Variants in PXDNL observed in about 807,000 individuals in gnomAD.
PXDNL encodes the protein probable oxidoreductase PXDNL.
In PXDNL, 145 loss-of-function variants were observed where a neutral mutation model predicts 150.8. The observed-to-expected ratio is 0.96, with a 90% CI of 0.84 to 1.10. The LOEUF is 1.10. Ranked by LOEUF, PXDNL falls within the 50% of genes least tolerant of loss-of-function variation. The pLI is 0.00. For synonymous variants in PXDNL, 757 were observed against 725.7 expected (o/e 1.04, Z -0.69); for missense variants, 2,087 against 1,873.9 (o/e 1.11, Z -2.10).
intron 7 of PXDNL, 39 bp from the exon 8 acceptor site, chr8:51,472,343 C>A: frequency 6.7e-7 from 1 of 1,485,276 alleles, no homozygotes; most frequent in Non-Finnish European, 9.4e-7. Flanking sequence ...TTCAGAGATA[C>A]AAAATTATGG....
At chr8:51,449,953 T>C (rs748056962) in intron 10 of PXDNL, among the ~76,000 whole-genome samples, 1 of 152,224 alleles carries the variant, frequency 6.6e-6, no homozygotes, top group Non-Finnish European at 1.5e-5. Context: ...CAAGAATGGC[T>C]ACTCCACAGG....
intron 6 of PXDNL, among the ~76,000 whole-genome samples, chr8:51,478,386 A>G (rs1253998522): frequency 6.6e-6 from 1 of 152,264 alleles, no homozygotes; most frequent in Non-Finnish European, 1.5e-5. Context: ...TTCTCTGCTC[A>G]ATGAAAAATT....
chr8:51,324,921 C>T (rs1263584661), intron 21 of PXDNL, among the ~76,000 whole-genome samples: 2 of 152,134 alleles, frequency 1.3e-5, no homozygotes, highest in East Asian at 3.8e-4. Context: ...GACAGAGTCT[C>T]ACTCTGTTGC....
At chr8:51,441,222 T>G (rs911397861) in intron 12 of PXDNL, among the ~76,000 whole-genome samples, 1 of 152,148 alleles carries the variant, frequency 6.6e-6, no homozygotes, top group Non-Finnish European at 1.5e-5. Context: ...CTGCCACAAT[T>G]GTAAGTTTCC....
Position 51,716,353 on chromosome 8 carries a change from A to C in PXDNL, c.165-61593T>G, listed in dbSNP as rs186925712. Among the ~76,000 whole-genome samples the C allele has an allele frequency of 7.2e-5, 11 of 152,342 alleles. No homozygotes were observed. The East Asian group carries it at 2.1e-3, about 29-fold the overall frequency. The stretch of plus-strand genomic sequence containing the variant: ...AAGACAAAAATCCTAAAACAATCAT[A>C]TATTCAAATGCTGAAGTGCACAACA... On this transcript the variant is annotated intron_variant, in intron 1 of 22. Coordinates refer to ENST00000356297, the MANE Select transcript of PXDNL (RefSeq NM_144651.5).
intron 8 of PXDNL, among the ~76,000 whole-genome samples, chr8:51,466,441 A>G (rs763704954): frequency 1.2e-4 from 19 of 152,020 alleles, no homozygotes; most frequent in Non-Finnish European, 2.6e-4. Context: ...AAACTGTAAA[A>G]ATTTTAGAAA....
chr8:51,636,431 G>A (rs951501629), intron 2 of PXDNL, among the ~76,000 whole-genome samples: 1 of 152,134 alleles, frequency 6.6e-6, no homozygotes, highest in African/African-American at 2.4e-5. Context: ...ATGGCATAAT[G>A]TGTATCTAGA....
intron 4 of PXDNL, among the ~76,000 whole-genome samples, chr8:51,541,739 C>A (rs1700652052): frequency 6.6e-6 from 1 of 152,094 alleles, no homozygotes; most frequent in African/African-American, 2.4e-5. Context: ...GGTTGGGAAC[C>A]CTTCTCTGTA....
chr8:51,507,377 A>C (rs1291800108), intron 4 of PXDNL, among the ~76,000 whole-genome samples: 1 of 152,196 alleles, frequency 6.6e-6, no homozygotes, highest in African/African-American at 2.4e-5. Context: ...AAGTGCAGAG[A>C]TATGAAAATG....
chr8:51,741,302 G>A (rs1462595636), intron 1 of PXDNL, among the ~76,000 whole-genome samples: 1 of 152,144 alleles, frequency 6.6e-6, no homozygotes, highest in Non-Finnish European at 1.5e-5. Flanking sequence ...GTGTGTAGAA[G>A]TCTAAGTCTC....
chr8:51,413,527 T>C (rs1210002235), intron 14 of PXDNL, among the ~76,000 whole-genome samples: 1 of 152,210 alleles, frequency 6.6e-6, no homozygotes, highest in Non-Finnish European at 1.5e-5. Flanking sequence ...ATATTTCCTT[T>C]TGAACAATGC....
intron 4 of PXDNL, among the ~76,000 whole-genome samples, chr8:51,550,455 C>T (rs2130518366): frequency 6.6e-6 from 1 of 152,242 alleles, no homozygotes. Context: ...CTAACCAAAT[C>T]CAACAGCATA....
In PXDNL at chr8:51,408,223, G is replaced by C. The variant is rs1199448296; in HGVS notation, c.3401C>G (p.Ala1134Gly). The part of the protein sequence containing the change: ...QRLFSAAYSA[A>G]VDSAATIIQR... ...AATGATGGTGGCAGCCGAATCCACGGCCGCAGAATAAGCCGCGGAGAAGAG... is the reference window on the plus strand; with the variant it reads ...AATGATGGTGGCAGCCGAATCCACGCCCGCAGAATAAGCCGCGGAGAAGAG... The change falls in exon 17 of 23, where the codon GCC (alanine) becomes GGC (glycine). Residue 1134 changes from alanine to glycine, a missense_variant. By Grantham distance (60) the Ala-to-Gly change is moderately conservative. Coordinates refer to ENST00000356297, the MANE Select transcript of PXDNL (RefSeq NM_144651.5). The C allele has an allele frequency of 6.2e-7, 1 of 1,613,878 alleles. No homozygotes were observed. The highest frequency in any genetic ancestry group is 1.3e-5 in the African/African-American group (1 of 74,928).
At chr8:51,642,140 G>A (rs1814774870) in intron 2 of PXDNL, among the ~76,000 whole-genome samples, 1 of 151,178 alleles carries the variant, frequency 6.6e-6, no homozygotes, top group African/African-American at 2.4e-5. Flanking sequence ...CTCACTCATA[G>A]GTGGGAATTG....
chr8:51,454,504 T>C (rs1221169216), intron 9 of PXDNL, among the ~76,000 whole-genome samples: 2 of 152,210 alleles, frequency 1.3e-5, no homozygotes, highest in Non-Finnish European at 2.9e-5. Context: ...CAAGTATACA[T>C]GTAAATAGAA....
chr8:51,721,979 C>A, intron 1 of PXDNL: 1 of 234,420 alleles, frequency 4.3e-6, no homozygotes, highest in Admixed American at 4.2e-5. Flanking sequence ...TAAACATATT[C>A]ACCTCTTCAG....
chr8:51,656,948 T>C (rs1401867040), intron 1 of PXDNL, among the ~76,000 whole-genome samples: 1 of 152,162 alleles, frequency 6.6e-6, no homozygotes, highest in African/African-American at 2.4e-5. Context: ...TGGATAAATA[T>C]AAGATGAAAT....
At chr8:51,545,384 C>T (rs376220105) in intron 4 of PXDNL, among the ~76,000 whole-genome samples, 77 of 152,246 alleles carry the variant, frequency 5.1e-4, no homozygotes, top group Middle Eastern at 3.4e-3. Flanking sequence ...AAGCATTACA[C>T]AATTTAAAAT....
intron 3 of PXDNL, among the ~76,000 whole-genome samples, chr8:51,566,439 G>A (rs548971667): frequency 6.6e-6 from 1 of 151,762 alleles, no homozygotes; most frequent in Admixed American, 6.6e-5. Flanking sequence ...TGTTTTAGAA[G>A]GTTATTAATT....
Sources: gnomAD v4.1 joint callset for allele counts (sites outside exome capture counted in the v4.1 genomes callset) on GRCh38, gnomAD v4.1.1 for gene constraint, MANE v1.5 for transcripts, NCBI Gene and HGNC (gene_info 2026-07-23, HGNC 2026-07-21) for gene names.